Variants in BSPRY observed in about 807,000 individuals in gnomAD.
The protein encoded by BSPRY is B box and SPRY domain-containing protein.
BSPRY carries 33 observed loss-of-function variants against 38.0 expected under a neutral mutation model. The observed-to-expected ratio is 0.87, with a 90% CI of 0.66 to 1.16. The LOEUF (loss-of-function observed/expected upper bound fraction) is 1.16, where lower values mean the gene tolerates loss of function less well. Among genes scored for constraint, BSPRY ranks in the 50% most tolerant of loss-of-function variants. The pLI is 0.00. For missense variants in BSPRY, 523 were observed against 533.2 expected (o/e 0.98, Z 0.19); for synonymous variants, 224 against 228.5 (o/e 0.98, Z 0.18).
At chr9:113,362,306 C>T (rs1834168253) in intron 3 of BSPRY, 63 bp from the exon 4 acceptor site, 1 of 1,587,010 alleles carries the variant, frequency 6.3e-7, no homozygotes, top group African/African-American at 1.3e-5. Context: ...TTAAATCTGT[C>T]TTAGCATTGA....
rs557303447 is a variant in BSPRY at position 113,349,733 on chromosome 9, C to T, written c.154C>T (p.Arg52Trp). ...AACAGLGGRC[R>W]GHRIRRAEER... The stretch of plus-strand genomic sequence containing the variant: ...CTGCGCGGGGTTGGGCGGTCGCTGC[C>T]GGGGGCACCGCATCCGCCGGGCGGA... The change falls in exon 1 of 6, where the codon CGG (arginine) becomes TGG (tryptophan). Residue 52 changes from arginine to tryptophan, a missense_variant. Arg to Trp is a moderately radical substitution (Grantham distance 101, BLOSUM62 -3). Coordinates refer to ENST00000374183, the MANE Select transcript of BSPRY (RefSeq NM_017688.3). 17 of 1,239,254 alleles carry T rather than the reference C, an allele frequency of 1.4e-5. No individual in the cohort carries two copies. The highest frequency in any genetic ancestry group is 7.8e-5 in the African/African-American group (5 of 63,736). 76.8% of individuals were successfully genotyped at this position (1,239,254 alleles called of 1,614,324 possible).
Position 113,362,174 on chromosome 9 carries a change from G to GGTGGGTGTGGGT in BSPRY, c.532-192_532-191insGGTGTGGGTGTG, listed in dbSNP as rs368410256. The stretch of plus-strand genomic sequence containing the variant: ...TGATTCATTCTGAGCATGTGTTATG[G>GGTGGGTGTGGGT]GTGTGTGTGTGTGTGTGTGTGTGTG... On this transcript the variant is annotated intron_variant, in intron 3 of 5. Coordinates refer to ENST00000374183, the MANE Select transcript of BSPRY (RefSeq NM_017688.3). Among the ~76,000 whole-genome samples, 4 of 141,344 alleles carry GGTGGGTGTGGGT rather than the reference G, an allele frequency of 2.8e-5. No homozygotes were observed. The East Asian group carries it at 8.4e-4, about 30-fold the overall frequency. The allele number at this position is 141,344 out of a possible 152,430, so 92.7% of individuals were successfully genotyped here.
At chr9:113,353,721 A>AAAAAT (rs1834009941) in intron 1 of BSPRY, among the ~76,000 whole-genome samples, 2 of 151,830 alleles carry the variant, frequency 1.3e-5, no homozygotes, top group African/African-American at 4.8e-5. Context: ...AATAAATAAA[A>AAAAAT]AAAAATAAAA....
chr9:113,354,252 G>A lies in BSPRY; in HGVS notation c.214G>A (p.Asp72Asn). 2 of 1,614,112 alleles carry A rather than the reference G, an allele frequency of 1.2e-6. No homozygotes were observed. Among genetic ancestry groups the A allele is most frequent in the Non-Finnish European group, 1.7e-6 (2 of 1,179,982 alleles). Reference protein sequence around the residue: ...RAEELRNKIVDQCERLQLQSA... With the variant: ...RAEELRNKIVNQCERLQLQSA... ...GTTTGTGTTGCAGAACAAGATTGTG[G>A]ACCAGTGTGAGAGGCTGCAGTTACA... Residue 72 changes from aspartate (D) to asparagine (N), a missense_variant, in exon 2 of 6, where the codon GAC becomes AAC. Coordinates refer to ENST00000374183, the MANE Select transcript of BSPRY (RefSeq NM_017688.3).
chr9:113,365,107 G>A (rs998414318), intron 4 of BSPRY, among the ~76,000 whole-genome samples: 3 of 151,972 alleles, frequency 2.0e-5, no homozygotes, highest in African/African-American at 7.3e-5. Flanking sequence ...TCATATCTGG[G>A]GGCACATGAT....
At chr9:113,357,440 T>G (rs1454463201) in intron 2 of BSPRY, among the ~76,000 whole-genome samples, 1 of 152,218 alleles carries the variant, frequency 6.6e-6, no homozygotes, top group African/African-American at 2.4e-5. Context: ...ATTTTTTATT[T>G]TTGTTTTAGG....
chr9:113,359,050 A>G (rs1452343696), intron 2 of BSPRY, among the ~76,000 whole-genome samples: 2 of 46,634 alleles, frequency 4.3e-5, no homozygotes, highest in East Asian at 9.5e-4. Context: ...AAAGAAAAGA[A>G]AAAAAAAAGA....
intron 5 of BSPRY, among the ~76,000 whole-genome samples, chr9:113,369,090 C>A (rs1388636995): frequency 6.6e-6 from 1 of 151,736 alleles, no homozygotes; most frequent in Non-Finnish European, 1.5e-5. Context: ...TCAAATGATG[C>A]CTGATTTACC....
At chr9:113,362,233 T>A in intron 3 of BSPRY, 136 bp from the exon 4 acceptor site, 15 of 667,024 alleles carry the variant, frequency 2.2e-5, no homozygotes, top group Middle Eastern at 3.1e-4. Context: ...CTAGAAAGCT[T>A]TATGCTGGTC....
At position 113,360,577 on chromosome 9, in the gene BSPRY, A is replaced by G; in HGVS notation, c.371A>G (p.Glu124Gly). ...CTGGTGAGGAGTCTTTGCGAGAGCG[A>G]GGAGCAGCGGTTACTGGAACAGGTG... ...LSLVRSLCESEEQRLLEQVHG... is the reference protein window; with the variant it reads ...LSLVRSLCESGEQRLLEQVHG... Residue 124 changes from glutamate (E) to glycine (G), a missense_variant, in exon 3 of 6, where the codon GAG (glutamate) becomes GGG (glycine). Transcript: ENST00000374183. 6.2e-7 allele frequency: 1 copy of G among 1,608,922 alleles called. No individual in the cohort carries two copies. Among genetic ancestry groups the G allele is most frequent in the Non-Finnish European group, 8.5e-7 (1 of 1,178,836 alleles).
chr9:113,370,025 G>A lies in BSPRY; in HGVS notation c.1092G>A (p.Glu364=). Residue 364 remains glutamate (E), a synonymous_variant, in exon 6 of 6, where the codon GAG becomes GAA. Coordinates refer to ENST00000374183, the MANE Select transcript of BSPRY (RefSeq NM_017688.3). This position sits in a 1 kb window ranked among gnomAD's most constrained non-coding sequence, Gnocchi z 4.8. ...LGVVLDLQVQ[E]LLFYEPASGT... Reference sequence around the variant, plus strand: ...TAGTGCTGGACTTGCAGGTTCAGGAGCTGCTCTTCTATGAGCCAGCCTCCG... The same window carrying A: ...TAGTGCTGGACTTGCAGGTTCAGGAACTGCTCTTCTATGAGCCAGCCTCCG... 3 of 1,614,154 alleles carry A rather than the reference G, an allele frequency of 1.9e-6. No individual in the cohort carries two copies. The highest frequency in any genetic ancestry group is 2.5e-6 in the Non-Finnish European group (3 of 1,180,026).
chr9:113,349,800 G>A lies in BSPRY; in HGVS notation c.201+20G>A. The A allele has an allele frequency of 8.2e-7, 1 of 1,223,622 alleles. No homozygotes were observed. The highest frequency in any genetic ancestry group is 1.0e-6 in the Non-Finnish European group (1 of 982,714). The allele number at this position is 1,223,622 out of a possible 1,614,324, so 75.8% of individuals were successfully genotyped here. On this transcript the variant is annotated intron_variant, in intron 1 of 5. Coordinates refer to ENST00000374183, the MANE Select transcript of BSPRY (RefSeq NM_017688.3). ...CTGCGGGTGAGCGGGTGTGGGCGCC[G>A]GAAGGCGAGGGCTCCGGAGACCCCG...
At chr9:113,353,421 G>A (rs1335178316) in intron 1 of BSPRY, among the ~76,000 whole-genome samples, 1 of 151,900 alleles carries the variant, frequency 6.6e-6, no homozygotes, top group African/African-American at 2.4e-5. Context: ...AGAAACAAAC[G>A]CCTGGGTGCG....
rs779287357 is a variant in BSPRY at position 113,370,143 on chromosome 9, C to T, written c.*1C>T. Reference sequence around the variant, plus strand: ...TCAGACCATTTCTATCGTCCGCTGACCTCTGGCCACAGGAAGCCAGGTCCA... The same window carrying T: ...TCAGACCATTTCTATCGTCCGCTGATCTCTGGCCACAGGAAGCCAGGTCCA... On this transcript the variant is annotated 3_prime_UTR_variant, in exon 6 of 6. Transcript: ENST00000374183. This position sits in a 1 kb window ranked among gnomAD's most constrained non-coding sequence, Gnocchi z 4.8. 7 of 1,545,384 alleles carry T rather than the reference C, an allele frequency of 4.5e-6. No homozygotes were observed. In the Admixed American group the frequency reaches 1.4e-4, roughly 31 times the overall value.
intron 2 of BSPRY, among the ~76,000 whole-genome samples, chr9:113,357,169 C>T (rs182119363): frequency 1.3e-5 from 2 of 152,108 alleles, no homozygotes; most frequent in East Asian, 1.9e-4. Flanking sequence ...GCTAATGAAA[C>T]GGAAGTAAAC....
intron 3 of BSPRY, among the ~76,000 whole-genome samples, chr9:113,361,707 G>A (rs75638524): frequency 0.024 from 3,601 of 152,296 alleles, 70 homozygotes; most frequent in South Asian, 0.089. Context: ...ACTGTGCTCC[G>A]GGGAGCTGAC....
chr9:113,363,970 C>T (rs1442548747), intron 4 of BSPRY, among the ~76,000 whole-genome samples: 2 of 150,322 alleles, frequency 1.3e-5, no homozygotes, highest in Non-Finnish European at 2.9e-5. Context: ...AGGCAGATCG[C>T]TTGAGGTCAG....
Position 113,354,261 on chromosome 9 carries a change from G to A in BSPRY, c.223G>A (p.Glu75Lys). The A allele has an allele frequency of 6.2e-7, 1 of 1,614,198 alleles. No individual in the cohort carries two copies. The highest frequency in any genetic ancestry group is 8.5e-7 in the Non-Finnish European group (1 of 1,180,008). The change falls in exon 2 of 6, where the codon GAG (glutamate) becomes AAG (lysine). Residue 75 changes from glutamate to lysine, a missense_variant. Glu to Lys is a moderately conservative substitution (Grantham distance 56). Transcript: ENST00000374183. ...ELRNKIVDQC[E>K]RLQLQSAAIT... Reference sequence around the variant, plus strand: ...GCAGAACAAGATTGTGGACCAGTGTGAGAGGCTGCAGTTACAGAGTGCTGC... The same window carrying A: ...GCAGAACAAGATTGTGGACCAGTGTAAGAGGCTGCAGTTACAGAGTGCTGC...
chr9:113,363,901 A>AAG, intron 4 of BSPRY, among the ~76,000 whole-genome samples: 1 of 137,424 alleles, frequency 7.3e-6, no homozygotes, highest in East Asian at 2.1e-4. Context: ...AAAAAAAAAA[A>AAG]AAAAAAGCTG....
Sources: allele counts gnomAD v4.1 joint callset (sites outside exome capture counted in the v4.1 genomes callset), GRCh38; gene constraint gnomAD v4.1.1; non-coding constraint Gnocchi (gnomAD v3.1); transcripts MANE v1.5; gene names NCBI Gene and HGNC (gene_info 2026-07-23, HGNC 2026-07-21).